Variants in DSCAM observed in about 807,000 individuals in gnomAD.
DSCAM encodes DS cell adhesion molecule.
DSCAM carries 47 observed loss-of-function variants against 217.7 expected under a neutral mutation model. The ratio of observed to expected loss-of-function variants is 0.22; its 90% CI spans 0.17 to 0.28. The LOEUF (loss-of-function observed/expected upper bound fraction) is 0.28, where lower values mean the gene tolerates loss of function less well. Ranked by LOEUF, DSCAM falls within the 10% of genes least tolerant of loss-of-function variation. DSCAM has a pLI of 1.00. For synonymous variants in DSCAM, 1,056 were observed against 1,015.3 expected, an observed-to-expected ratio of 1.04 and a Z score of -0.76; for missense variants, 2,080 against 2,618.3, an observed-to-expected ratio of 0.79 and a Z score of 4.49.
At chr21:40,513,690 C>G (rs747014034) in intron 3 of DSCAM, among the ~76,000 whole-genome samples, 1 of 152,140 alleles carries the variant, frequency 6.6e-6, no homozygotes, top group African/African-American at 2.4e-5. Flanking sequence ...CCCCATGACC[C>G]AAACACCTTC....
chr21:40,596,937 A>G (rs1330044316), intron 3 of DSCAM, among the ~76,000 whole-genome samples: 5 of 152,158 alleles, frequency 3.3e-5, no homozygotes, highest in Non-Finnish European at 7.4e-5. Context: ...GTAAGGCAGC[A>G]TGATGTTATA....
intron 1 of DSCAM, among the ~76,000 whole-genome samples, chr21:40,729,593 C>T (rs2090991878): frequency 6.6e-6 from 1 of 152,186 alleles, no homozygotes; most frequent in Admixed American, 6.5e-5. Context: ...ATCTTTAAGT[C>T]ACAGCCACAC....
intron 16 of DSCAM, among the ~76,000 whole-genome samples, chr21:40,160,090 G>A (rs76106590): frequency 2.9e-3 from 442 of 152,266 alleles, no homozygotes; most frequent in Non-Finnish European, 4.8e-3. Flanking sequence ...TCCAGAGTGG[G>A]CCCACATCCG....
At chr21:40,415,710 C>T (rs1199003694) in intron 3 of DSCAM, among the ~76,000 whole-genome samples, 1 of 152,146 alleles carries the variant, frequency 6.6e-6, no homozygotes, top group Middle Eastern at 3.2e-3. Context: ...AAGGTAATTG[C>T]TGTGAGGCAC....
chr21:40,110,939 T>C (rs910893854), intron 20 of DSCAM, among the ~76,000 whole-genome samples: 17 of 152,330 alleles, frequency 1.1e-4, no homozygotes, highest in East Asian at 5.8e-4. Flanking sequence ...CTACATCTGA[T>C]TGGTGTGCCT....
intron 3 of DSCAM, among the ~76,000 whole-genome samples, chr21:40,395,697 A>G (rs544486829): frequency 3.3e-4 from 51 of 152,288 alleles, no homozygotes; most frequent in Middle Eastern, 6.8e-3. Flanking sequence ...GCATTAAAGC[A>G]ATTTTATAAA....
intron 3 of DSCAM, among the ~76,000 whole-genome samples, chr21:40,543,653 G>A (rs2076558848): frequency 6.6e-6 from 1 of 152,104 alleles, no homozygotes; most frequent in African/African-American, 2.4e-5. Flanking sequence ...GCTTGAGGAA[G>A]CCTCCAAACC....
At chr21:40,432,401 ACAC>A (rs1467144916) in intron 3 of DSCAM, among the ~76,000 whole-genome samples, 4 of 151,686 alleles carry the variant, frequency 2.6e-5, no homozygotes, top group African/African-American at 9.7e-5. Flanking sequence ...TTCCTTCCTC[ACAC>A]CACCACCTCC....
chr21:40,061,109 C>A (rs2089111889), intron 28 of DSCAM, among the ~76,000 whole-genome samples: 1 of 152,168 alleles, frequency 6.6e-6, no homozygotes, highest in Non-Finnish European at 1.5e-5. Context: ...CCTCTGGATG[C>A]CTTAAAAATA....
rs369619767 is a variant in DSCAM at position 40,301,149 on chromosome 21, A to G, written c.2063-4975T>C. 2.9e-3 allele frequency among the ~76,000 whole-genome samples: 442 copies of G among 152,274 alleles called. 4 individuals are homozygous for G. In the Middle Eastern group the frequency reaches 0.034, roughly 12 times the overall value. Reference sequence around the variant, plus strand: ...AAGGCCCATATTGCCTCTTATTTAGATTTCTCAGCCCCCTAACTGGTCTAC... The same window carrying G: ...AAGGCCCATATTGCCTCTTATTTAGGTTTCTCAGCCCCCTAACTGGTCTAC... On this transcript the variant is annotated intron_variant, in intron 9 of 32. Transcript: ENST00000400454.
chr21:40,668,014 T>C (rs899502255), intron 3 of DSCAM, among the ~76,000 whole-genome samples: 3 of 152,204 alleles, frequency 2.0e-5, no homozygotes, highest in African/African-American at 7.2e-5. Flanking sequence ...CAAATTTTTA[T>C]CTGGAAGTAG....
intron 20 of DSCAM, among the ~76,000 whole-genome samples, chr21:40,111,556 C>T (rs1301931573): frequency 1.3e-5 from 2 of 152,164 alleles, no homozygotes; most frequent in Admixed American, 6.5e-5. Flanking sequence ...ATCAAATTCA[C>T]ACATAACAAT....
At position 40,620,349 on chromosome 21, in the gene DSCAM, AAG is replaced by A. The variant is rs981579511; in HGVS notation, c.508+72459_508+72460del. Reference sequence around the variant, plus strand: ...GAAAAAAGAAAAAGAAAGAAAGAGAAAGAGAGAGAAAAAAGAAAAAGAAAGAA... The same window carrying A: ...GAAAAAAGAAAAAGAAAGAAAGAGAAAGAGAGAAAAAAGAAAAAGAAAGAA... On this transcript the variant is annotated intron_variant, in intron 3 of 32. Transcript: ENST00000400454. 2.6e-3 allele frequency among the ~76,000 whole-genome samples: 337 copies of A among 131,382 alleles called. 15 individuals carry two copies. Among genetic ancestry groups the A allele is most frequent in the African/African-American group, 6.6e-3 (223 of 33,736 alleles). 86.2% of individuals were successfully genotyped at this position (131,382 alleles called of 152,430 possible).
chr21:40,160,797 C>CA (rs1309582886), intron 16 of DSCAM, among the ~76,000 whole-genome samples: 5 of 152,164 alleles, frequency 3.3e-5, no homozygotes, highest in African/African-American at 9.7e-5. Context: ...AACCGTTATA[C>CA]AAAAAATCAA....
intron 3 of DSCAM, among the ~76,000 whole-genome samples, chr21:40,572,905 C>T (rs1156804297): frequency 6.6e-6 from 1 of 152,150 alleles, no homozygotes; most frequent in Admixed American, 6.5e-5. Context: ...ACAAAATTTA[C>T]ATAATTATCT....
At chr21:40,369,363 T>A in intron 3 of DSCAM, 118 bp from the exon 4 acceptor site, 1 of 949,974 alleles carries the variant, frequency 1.1e-6, no homozygotes, top group Non-Finnish European at 1.5e-6. Flanking sequence ...ATGAAAAGGC[T>A]AAAAATGGGT....
At chr21:40,753,438 G>T (rs919816338) in intron 1 of DSCAM, among the ~76,000 whole-genome samples, 1 of 152,250 alleles carries the variant, frequency 6.6e-6, no homozygotes, top group African/African-American at 2.4e-5. Flanking sequence ...GGAGAAGGGA[G>T]TGAGTAAATT....
At chr21:40,781,199 T>C (rs930465977) in intron 1 of DSCAM, among the ~76,000 whole-genome samples, 3 of 151,952 alleles carry the variant, frequency 2.0e-5, no homozygotes, top group African/African-American at 7.2e-5. Flanking sequence ...CTACTAAAAA[T>C]AGTAGAGATG....
In DSCAM at chr21:40,708,589, G is replaced by A; in HGVS notation, c.226C>T (p.His76Tyr). ...AAAATTTGGAGAGTGCCGTTGGGGTGGACGTGGCGGATCCCGGGGACATCG... is the reference window on the plus strand; with the variant it reads ...AAAATTTGGAGAGTGCCGTTGGGGTAGACGTGGCGGATCCCGGGGACATCG... ...IYDVPGIRHV[H>Y]PNGTLQIFPF... is the part of the protein sequence containing the mutation. The change falls in exon 2 of 33, where the codon CAC becomes TAC. Residue 76 changes from histidine (H) to tyrosine (Y), a missense_variant. Around this residue, in one of 5 missense-constraint regions of DSCAM, gnomAD observed 568 missense variants for 678.1 expected, o/e 0.84. Transcript: ENST00000400454. 2 of 1,611,038 alleles carry A rather than the reference G, an allele frequency of 1.2e-6. No homozygotes were observed. Among genetic ancestry groups the A allele is most frequent in the Non-Finnish European group, 1.7e-6 (2 of 1,178,522 alleles).
Sources: gnomAD v4.1 joint callset for allele counts (sites outside exome capture counted in the v4.1 genomes callset) on GRCh38, gnomAD v4.1.1 for gene constraint, gnomAD v4.1.1 regional missense constraint, MANE v1.5 for transcripts, NCBI Gene and HGNC (gene_info 2026-07-23, HGNC 2026-07-21) for gene names.